The following MEGF6 variants were observed in gnomAD, a reference collection of about 807,000 sequenced individuals.
MEGF6 encodes the protein multiple EGF like domains 6, also known as multiple epidermal growth factor-like domains protein 6.
A neutral mutation model predicts 207.1 loss-of-function variants in MEGF6; 184 were observed. The observed-to-expected ratio is 0.89, with a 90% confidence interval of 0.79 to 1.00. The LOEUF (loss-of-function observed/expected upper bound fraction) is 1.00, where lower values mean the gene tolerates loss of function less well. Among genes scored for constraint, MEGF6 ranks in the 50% least tolerant of loss-of-function variants. MEGF6 has a pLI of 0.00. For synonymous variants in MEGF6, 1,038 were observed against 910.0 expected (o/e 1.14, Z -2.53); for missense variants, 2,282 against 2,202.9 (o/e 1.04, Z -0.72).
chr1:3,611,518 T>C (rs10797403), upstream of MEGF6: 383,168 of 390,838 alleles, frequency 0.98, 187,876 homozygotes, highest in East Asian at 1. Context: ...TGCCCCGGAC[T>C]CAGAGCCTGG....
Position 3,540,169 on chromosome 1 carries a change from C to T in MEGF6, c.482-15923G>A, listed in dbSNP as rs147802435. On this transcript the variant is annotated intron_variant, in intron 4 of 36. Transcript: ENST00000356575. ...TTGCTGGGCTGGCTCTCACCGCTGACGCTGAAGGCTATTATTTTCCCGGCT... is the reference window on the plus strand; with the variant it reads ...TTGCTGGGCTGGCTCTCACCGCTGATGCTGAAGGCTATTATTTTCCCGGCT... Among the ~76,000 whole-genome samples the T allele has an allele frequency of 6.9e-4, 105 of 152,354 alleles. 3 individuals are homozygous for T. The East Asian group carries it at 0.017, about 25-fold the overall frequency.
chr1:3,577,551 G>A (rs1342126572), intron 4 of MEGF6, among the ~76,000 whole-genome samples: 1 of 152,240 alleles, frequency 6.6e-6, no homozygotes. Context: ...CGCAGGCAGA[G>A]AGTGGCCCAG....
At chr1:3,541,192 G>A (rs1312834075) in intron 4 of MEGF6, among the ~76,000 whole-genome samples, 1 of 152,242 alleles carries the variant, frequency 6.6e-6, no homozygotes, top group Non-Finnish European at 1.5e-5. Context: ...AATCCCCCAT[G>A]GCACTGCCCC....
chr1:3,615,660 C>T (rs755334629), upstream of MEGF6, among the ~76,000 whole-genome samples: 3 of 152,204 alleles, frequency 2.0e-5, no homozygotes, highest in East Asian at 1.9e-4. Context: ...TGTAGATGCC[C>T]GCACCCGGGC....
At chr1:3,543,098 G>T (rs938068204) in intron 4 of MEGF6, among the ~76,000 whole-genome samples, 5 of 152,232 alleles carry the variant, frequency 3.3e-5, no homozygotes, top group African/African-American at 1.2e-4. Context: ...CAGCCCAGCA[G>T]AGCAGAGCTC....
In MEGF6 at chr1:3,603,783, G is replaced by A. The variant is rs531323347; in HGVS notation, c.132-1183C>T. On this transcript the variant is annotated intron_variant, in intron 1 of 36. Coordinates refer to ENST00000356575, the MANE Select transcript of MEGF6 (RefSeq NM_001409.4). ...CTAACCAGCCGCCGCCCCGTGGGCC[G>A]GACCCTGGCTCAGCACTCAGAGACT... 1.4e-3 allele frequency among the ~76,000 whole-genome samples: 213 copies of A among 152,236 alleles called. 1 individual carries two copies. Among genetic ancestry groups the A allele is most frequent in the African/African-American group, 4.0e-3 (167 of 41,542 alleles).
chr1:3,500,356 G>C (rs1277354866), intron 21 of MEGF6, among the ~76,000 whole-genome samples: 1 of 152,256 alleles, frequency 6.6e-6, no homozygotes, highest in African/African-American at 2.4e-5. Flanking sequence ...TCGGTGAGAG[G>C]GTGGGACCTT....
chr1:3,543,312 G>A (rs575536077), intron 4 of MEGF6, among the ~76,000 whole-genome samples: 3 of 152,342 alleles, frequency 2.0e-5, no homozygotes, highest in East Asian at 1.9e-4. Flanking sequence ...CAGGCCCTGC[G>A]GGTGACCAAG....
In MEGF6 at chr1:3,551,161, C is replaced by T. The variant is rs572323847; in HGVS notation, c.482-26915G>A. Among the ~76,000 whole-genome samples the T allele has an allele frequency of 6.6e-5, 10 of 152,330 alleles. No homozygotes were observed. In the East Asian group the frequency reaches 1.9e-3, roughly 29 times the overall value. On this transcript the variant is annotated intron_variant, in intron 4 of 36. Coordinates refer to ENST00000356575, the MANE Select transcript of MEGF6 (RefSeq NM_001409.4). ...AGATGTGAGGCTGCCAGACCCAGCCCCCGTGGTGGTGAGACACCAGAGGCT... is the reference window on the plus strand; with the variant it reads ...AGATGTGAGGCTGCCAGACCCAGCCTCCGTGGTGGTGAGACACCAGAGGCT...
chr1:3,605,356 C>T (rs937003122), intron 1 of MEGF6, among the ~76,000 whole-genome samples: 4 of 110,986 alleles, frequency 3.6e-5, no homozygotes, highest in Admixed American at 8.7e-5. Flanking sequence ...CACTCACGCA[C>T]GTTCACACAC....
chr1:3,526,107 G>A (rs541013792), intron 4 of MEGF6, among the ~76,000 whole-genome samples: 1 of 152,328 alleles, frequency 6.6e-6, no homozygotes, highest in South Asian at 2.1e-4. Context: ...ACTGCCCAGA[G>A]AACACGCCAT....
intron 5 of MEGF6, among the ~76,000 whole-genome samples, chr1:3,516,875 C>T (rs1164410254): frequency 6.6e-6 from 1 of 152,172 alleles, no homozygotes; most frequent in African/African-American, 2.4e-5. Flanking sequence ...CTGTCTCCTG[C>T]CCCACGTGTC....
At chr1:3,499,287 T>G in intron 23 of MEGF6, 21 bp from the exon 24 acceptor site, 1 of 1,594,414 alleles carries the variant, frequency 6.3e-7, no homozygotes, top group East Asian at 2.3e-5. Flanking sequence ...AGAGGGCTGG[T>G]CAGAGCCAGG....
At chr1:3,582,652 C>T (rs894944125) in intron 3 of MEGF6, among the ~76,000 whole-genome samples, 2 of 152,168 alleles carry the variant, frequency 1.3e-5, no homozygotes, top group Non-Finnish European at 2.9e-5. Context: ...CAAAACACCG[C>T]GGCCCCCAGA....
intron 10 of MEGF6, 152 bp from the exon 11 acceptor site, chr1:3,510,144 C>A: frequency 9.0e-7 from 1 of 1,106,866 alleles, no homozygotes; most frequent in Non-Finnish European, 1.2e-6. Flanking sequence ...AACTCACCCT[C>A]AGCCACAGAG....
At position 3,560,686 on chromosome 1, in the gene MEGF6, C is replaced by A. The variant is rs1407846608; in HGVS notation, c.481+19139G>T. On this transcript the variant is annotated intron_variant, in intron 4 of 36. Coordinates refer to ENST00000356575, the MANE Select transcript of MEGF6 (RefSeq NM_001409.4). The surrounding 1 kb of genome is among the most constrained non-coding windows in gnomAD (Gnocchi z 4.0). The stretch of plus-strand genomic sequence containing the variant: ...AGGCTGGGTGCCATCAACCCCTCCC[C>A]ATCTGTGGTTTCCAGGGCAACCCTG... The A allele has an allele frequency of 2.2e-6, 1 of 455,828 alleles. No homozygotes were observed. The highest frequency in any genetic ancestry group is 1.6e-5 in the South Asian group (1 of 63,074). 28.2% of individuals were successfully genotyped at this position (455,828 alleles called of 1,614,324 possible).
At chr1:3,616,805 G>A in the MEGF6 span, among the ~76,000 whole-genome samples, 10 of 152,320 alleles carry the variant, frequency 6.6e-5, no homozygotes, top group South Asian at 6.2e-4. Flanking sequence ...GGGGGAGAAC[G>A]GGAATCCCGG....
the MEGF6 span, chr1:3,623,306 C>T: frequency 6.6e-6 from 1 of 152,402 alleles, no homozygotes. Flanking sequence ...CCCTCCCGGC[C>T]TCTGTTCTTC....
At chr1:3,500,542 A>G in intron 21 of MEGF6, 91 bp downstream of exon 21, 1 of 1,448,426 alleles carries the variant, frequency 6.9e-7, no homozygotes, top group Admixed American at 2.4e-5. Context: ...AGGAGGGAGT[A>G]CGGTCAAAGG....
Sources: allele counts gnomAD v4.1 joint callset (sites outside exome capture counted in the v4.1 genomes callset), GRCh38; gene constraint gnomAD v4.1.1; non-coding constraint Gnocchi (gnomAD v3.1); transcripts MANE v1.5; gene names NCBI Gene and HGNC (gene_info 2026-07-23, HGNC 2026-07-21).